Variants in KRT71 observed in about 807,000 individuals in gnomAD.
The protein encoded by KRT71 is keratin 71.
In KRT71, 42 loss-of-function variants were observed where a neutral mutation model predicts 46.2. The ratio of observed to expected loss-of-function variants is 0.91; its 90% CI spans 0.71 to 1.18. The LOEUF (loss-of-function observed/expected upper bound fraction) is 1.18, where lower values mean the gene tolerates loss of function less well. KRT71 is among the 50% of genes most tolerant of loss of function. KRT71 has a pLI of 0.00. For synonymous variants in KRT71, 292 were observed against 277.8 expected, an observed-to-expected ratio of 1.05 and a Z score of -0.51; for missense variants, 708 against 677.9, an observed-to-expected ratio of 1.04 and a Z score of -0.49.
At chr12:52,545,453 AG>A in intron 8 of KRT71, 111 bp downstream of exon 8, 1 of 647,652 alleles carries the variant, frequency 1.5e-6, no homozygotes, top group South Asian at 2.5e-5. Context: ...TCTCAGGCAA[AG>A]CTTTTCCCTC....
chr12:52,552,538 C>T, intron 1 of KRT71, 99 bp downstream of exon 1: 1 of 1,273,196 alleles, frequency 7.9e-7, no homozygotes, highest in South Asian at 1.4e-5. Flanking sequence ...AAGTCTTCCT[C>T]ACATCTAACC....
chr12:52,549,756 C>T (rs752288562), intron 2 of KRT71, among the ~76,000 whole-genome samples: 7 of 152,164 alleles, frequency 4.6e-5, no homozygotes, highest in East Asian at 1.9e-4. Flanking sequence ...GGGAGGAGAA[C>T]GTGAGTGGTT....
Position 52,548,088 on chromosome 12 carries a change from C to T in KRT71, c.978+64G>A, listed in dbSNP as rs918859798. 123 of 1,599,762 alleles carry T rather than the reference C, an allele frequency of 7.7e-5. No individual in the cohort carries two copies. The East Asian group carries it at 1.1e-3, about 15-fold the overall frequency. On this transcript the variant is annotated intron_variant, in intron 5 of 8. Coordinates refer to ENST00000267119, the MANE Select transcript of KRT71 (RefSeq NM_033448.3). ...TGGGACACTGCTTCTATTCTGGGCA[C>T]GATCTGTCTCCATCTGCTGCCCGCT...
intron 8 of KRT71, 39 bp downstream of exon 8, chr12:52,545,526 A>G (rs766847415): frequency 1.5e-6 from 2 of 1,370,140 alleles, no homozygotes; most frequent in Non-Finnish European, 1.0e-6. Flanking sequence ...TCCAGGCTGC[A>G]GATTTTACAA....
chr12:52,548,066 G>C (rs974284981), intron 5 of KRT71, 84 bp from the exon 6 acceptor site: 12 of 1,600,328 alleles, frequency 7.5e-6, no homozygotes, highest in Non-Finnish European at 1.0e-5. Context: ...CACTTACTGG[G>C]ACACTGCTTC....
At chr12:52,544,787 G>C (rs1039700609) in intron 8 of KRT71, 44 bp from the exon 9 acceptor site, 2 of 1,537,516 alleles carry the variant, frequency 1.3e-6, no homozygotes, top group Non-Finnish European at 1.8e-6. Flanking sequence ...GCAGAGAGCT[G>C]GGGAGGCCTC....
At chr12:52,545,095 C>T (rs551472376) in intron 8 of KRT71, among the ~76,000 whole-genome samples, 12 of 152,344 alleles carry the variant, frequency 7.9e-5, no homozygotes, top group Middle Eastern at 6.8e-3. Flanking sequence ...AGCTGTCCCA[C>T]AGCAGGCATC....
rs577511103 is a variant in KRT71 at position 52,544,637 on chromosome 12, G to A, written c.1467C>T (p.Ser489=). Residue 489 remains serine (S), a synonymous_variant, in exon 9 of 9, where the codon AGC becomes AGT. Coordinates refer to ENST00000267119, the MANE Select transcript of KRT71 (RefSeq NM_033448.3). ...GGCTCCTGCCCTCCCCGCCTCTCAC[G>A]CTGCACACTCCAGAGATGCAGTTGC... The part of the protein sequence containing the change: ...NSSNCISGVC[S]VRGGEGRSRG... 1.2e-5 allele frequency: 20 copies of A among 1,614,014 alleles called. No homozygotes were observed. The East Asian group carries it at 2.2e-4, about 18-fold the overall frequency.
Position 52,543,938 on chromosome 12 carries a change from C to G in KRT71, c.*594G>C, listed in dbSNP as rs1939008935. 1 of 156,672 alleles carries G rather than the reference C, an allele frequency of 6.4e-6. No individual in the cohort carries two copies. The highest frequency in any genetic ancestry group is 2.4e-5 in the African/African-American group (1 of 41,512). The allele number at this position is 156,672 out of a possible 1,614,324, so 9.7% of individuals were successfully genotyped here. ...ATTGTGCTGTTTATTGAGGTTGCAA[C>G]AGAGGAAGGCCATTAAGAATAAAGG... On this transcript the variant is annotated 3_prime_UTR_variant, in exon 9 of 9. Transcript: ENST00000267119.
In KRT71 at chr12:52,548,156, G is replaced by A. The variant is rs768253592; in HGVS notation, c.974C>T (p.Thr325Ile). 4.3e-6 allele frequency: 7 copies of A among 1,613,114 alleles called. No homozygotes were observed. The highest frequency in any genetic ancestry group is 2.2e-5 in the South Asian group (2 of 90,868). Residue 325 changes from threonine (T) to isoleucine (I), a missense_variant, in exon 5 of 9, where the codon ACC (threonine) becomes ATC (isoleucine). Transcript: ENST00000267119. ...CCCCACCTCAGCCCAGCTCACCTTGGTCTGGTACAGGGCCTCAGCCTCGGC... is the reference window on the plus strand; with the variant it reads ...CCCCACCTCAGCCCAGCTCACCTTGATCTGGTACAGGGCCTCAGCCTCGGC... ...SKAEAEALYQTKFQELQLAAG... is the reference protein window; with the variant it reads ...SKAEAEALYQIKFQELQLAAG...
intron 1 of KRT71, among the ~76,000 whole-genome samples, chr12:52,550,778 T>C (rs1939155814): frequency 6.6e-6 from 1 of 152,232 alleles, no homozygotes; most frequent in African/African-American, 2.4e-5. Context: ...GCAACAAGCA[T>C]GGCACATGGA....
chr12:52,544,406 G>T lies in KRT71; in HGVS notation c.*126C>A. On this transcript the variant is annotated 3_prime_UTR_variant, in exon 9 of 9. Coordinates refer to ENST00000267119, the MANE Select transcript of KRT71 (RefSeq NM_033448.3). ...AGGCTGGGAGAAGTGGGTGGCCAAG[G>T]CCAGTGCCAGGTGTATGGGAGCAGG... 2 of 903,340 alleles carry T rather than the reference G, an allele frequency of 2.2e-6. No individual in the cohort carries two copies. The highest frequency in any genetic ancestry group is 3.6e-6 in the Non-Finnish European group (2 of 556,142). 56.0% of individuals were successfully genotyped at this position (903,340 alleles called of 1,614,324 possible). A position where few individuals can be genotyped will look rare whatever the true frequency, so the allele number is the denominator to read the frequency against.
In KRT71 at chr12:52,544,211, C is replaced by A. The variant is rs534939165; in HGVS notation, c.*321G>T. Reference sequence around the variant, plus strand: ...TTGGGCAGAGACCCAGGGAGCCCAGCAGAGTAGTTAGCGACTGCGCTAGAG... The same window carrying A: ...TTGGGCAGAGACCCAGGGAGCCCAGAAGAGTAGTTAGCGACTGCGCTAGAG... On this transcript the variant is annotated 3_prime_UTR_variant, in exon 9 of 9. Transcript: ENST00000267119. The A allele has an allele frequency of 1.2e-4, 50 of 416,636 alleles. No homozygotes were observed. The highest frequency in any genetic ancestry group is 9.4e-4 in the African/African-American group (47 of 50,168). The allele number at this position is 416,636 out of a possible 1,614,324, so 25.8% of individuals were successfully genotyped here.
Position 52,546,508 on chromosome 12 carries a change from T to A in KRT71, c.1105-2A>T. On this transcript the variant is annotated splice_acceptor_variant, in intron 6 of 8. Transcript: ENST00000267119. LOFTEE classifies it high-confidence loss of function. ...GATGGCTGTCTCCAGGTTGGAAGCC[T>A]AAGGAAGGAATTGGTGAAGTCGAAA... 1 of 1,613,302 alleles carries A rather than the reference T, an allele frequency of 6.2e-7. No homozygotes were observed. Among genetic ancestry groups the A allele is most frequent in the Non-Finnish European group, 8.5e-7 (1 of 1,179,620 alleles).
chr12:52,546,944 C>G (rs538882074), intron 6 of KRT71, among the ~76,000 whole-genome samples: 1 of 152,178 alleles, frequency 6.6e-6, no homozygotes, highest in African/African-American at 2.4e-5. Flanking sequence ...CGGGAGCAAC[C>G]GTTATTTGCC....
chr12:52,552,759 C>T lies in KRT71; in HGVS notation c.319G>A (p.Val107Ile), dbSNP rs665522. ...CPPGGIHQVTVNESLLAPLNV... is the reference protein window; with the variant it reads ...CPPGGIHQVTINESLLAPLNV... ...AGGGGGGCCAGGAGGCTCTCATTGA[C>T]GGTAACCTGGTGGATGCCTCCAGGT... is the stretch of plus-strand genomic sequence containing the variant. The change falls in exon 1 of 9, where the codon GTC becomes ATC. Residue 107 changes from valine (V) to isoleucine (I), a missense_variant. Transcript: ENST00000267119. The T allele has an allele frequency of 0.23, 366,023 of 1,614,032 alleles. 43,247 individuals are homozygous for T. Among genetic ancestry groups the T allele is most frequent in the African/African-American group, 0.3 (22,510 of 74,978 alleles).
At chr12:52,548,855 A>G in intron 3 of KRT71, 59 bp from the exon 4 acceptor site, 1 of 1,450,962 alleles carries the variant, frequency 6.9e-7, no homozygotes. Context: ...GGCAGCAGCC[A>G]TCCCTGCCTG....
Position 52,550,240 on chromosome 12 carries a change from G to A in KRT71, c.445C>T (p.Arg149Trp), listed in dbSNP as rs779740913. Residue 149 changes from arginine to tryptophan, a missense_variant, in exon 2 of 9, where the codon CGG becomes TGG. Transcript: ENST00000267119. ...ACCTGGTTCTGCTGCTCCAGGAACC[G>A]CACCTGGAACCCAGATCCCAGAAAC... is the stretch of plus-strand genomic sequence containing the variant. ...NKFASFIDKV[R>W]FLEQQNQVLE... 1.4e-5 allele frequency: 23 copies of A among 1,614,012 alleles called. No individual in the cohort carries two copies. Among genetic ancestry groups the A allele is most frequent in the Admixed American group, 6.7e-5 (4 of 60,020 alleles).
At chr12:52,544,800 T>C (rs184171330) in intron 8 of KRT71, 57 bp from the exon 9 acceptor site, 1 of 1,456,308 alleles carries the variant, frequency 6.9e-7, no homozygotes, top group Non-Finnish European at 9.4e-7. Context: ...GAGGCCTCCT[T>C]TTCCCCAGGG....
Sources: gnomAD v4.1 joint callset for allele counts (sites outside exome capture counted in the v4.1 genomes callset) on GRCh38, gnomAD v4.1.1 for gene constraint, MANE v1.5 for transcripts, NCBI Gene and HGNC (gene_info 2026-07-23, HGNC 2026-07-21) for gene names.